Variants in TENM2 observed in about 807,000 individuals in gnomAD.
TENM2 encodes the protein teneurin-2.
In TENM2, 52 loss-of-function variants were observed where a neutral mutation model predicts 245.2. The ratio of observed to expected loss-of-function variants is 0.21; its 90% CI spans 0.17 to 0.27. The LOEUF (loss-of-function observed/expected upper bound fraction) is 0.27, where lower values mean the gene tolerates loss of function less well. TENM2 is among the 10% of genes least tolerant of loss of function. TENM2 has a pLI of 1.00. For synonymous variants in TENM2, 1,363 were observed against 1,438.9 expected, an observed-to-expected ratio of 0.95 and a Z score of 1.19; for missense variants, 3,046 against 3,666.8, an observed-to-expected ratio of 0.83 and a Z score of 4.37.
At chr5:167,436,121 G>T (rs1045410799) in intron 2 of TENM2, among the ~76,000 whole-genome samples, 2 of 151,536 alleles carry the variant, frequency 1.3e-5, no homozygotes, top group African/African-American at 4.8e-5. Flanking sequence ...TGGGGTTACA[G>T]TTGCCCACCA....
At chr5:166,991,792 G>C in the TENM2 span, among the ~76,000 whole-genome samples, 1 of 152,162 alleles carries the variant, frequency 6.6e-6, no homozygotes. Flanking sequence ...CTGGCATGTG[G>C]ATTGCTGTGA....
chr5:168,046,396 A>G (rs930487045), intron 5 of TENM2, among the ~76,000 whole-genome samples: 1 of 152,240 alleles, frequency 6.6e-6, no homozygotes, highest in African/African-American at 2.4e-5. Context: ...GATGAGAGAC[A>G]TGCAGGGGAA....
At chr5:167,055,159 G>A in the TENM2 span, among the ~76,000 whole-genome samples, 8 of 152,112 alleles carry the variant, frequency 5.3e-5, no homozygotes, top group African/African-American at 1.9e-4. Context: ...TTACAGTTTT[G>A]CATTTTGCAT....
intron 3 of TENM2, among the ~76,000 whole-genome samples, chr5:167,906,771 T>A (rs1387870945): frequency 1.3e-5 from 2 of 152,200 alleles, no homozygotes; most frequent in Non-Finnish European, 2.9e-5. Context: ...TCTCTTTTTT[T>A]AGGCTCTCTG....
At chr5:167,742,729 T>A (rs146582249) in intron 2 of TENM2, among the ~76,000 whole-genome samples, 77 of 151,282 alleles carry the variant, frequency 5.1e-4, no homozygotes, top group Non-Finnish European at 7.2e-4. Flanking sequence ...AGCAGAAGTA[T>A]CACTTGAGGC....
chr5:168,213,662 C>CA (rs35806150), intron 20 of TENM2, among the ~76,000 whole-genome samples: 209 of 136,332 alleles, frequency 1.5e-3, no homozygotes, highest in East Asian at 3.5e-3. Context: ...CCATCTCTAC[C>CA]AAAAAAAAAA....
At chr5:167,317,176 C>T (rs919852384) in intron 1 of TENM2, among the ~76,000 whole-genome samples, 9 of 152,190 alleles carry the variant, frequency 5.9e-5, no homozygotes, top group African/African-American at 2.2e-4. Flanking sequence ...TTCCTCTCAG[C>T]AGTCAATAAT....
the TENM2 span, among the ~76,000 whole-genome samples, chr5:167,217,735 T>C: frequency 6.9e-6 from 1 of 144,512 alleles, no homozygotes; most frequent in Admixed American, 6.9e-5. Context: ...TATATATATA[T>C]AATATATGTG....
intron 13 of TENM2, among the ~76,000 whole-genome samples, chr5:168,179,182 T>C (rs1041998996): frequency 5.4e-5 from 8 of 148,700 alleles, no homozygotes; most frequent in African/African-American, 1.7e-4. Flanking sequence ...ACAACCAACA[T>C]GTGAATCATG....
intron 2 of TENM2, among the ~76,000 whole-genome samples, chr5:167,791,094 T>C (rs190711903): frequency 6.6e-6 from 1 of 152,318 alleles, no homozygotes; most frequent in African/African-American, 2.4e-5. Context: ...TTGGCTTGGA[T>C]TGTAAACCCC....
At chr5:168,242,034 C>T (rs911250324) in intron 25 of TENM2, among the ~76,000 whole-genome samples, 2 of 152,118 alleles carry the variant, frequency 1.3e-5, no homozygotes, top group African/African-American at 2.4e-5. Context: ...CCCAAAGTCA[C>T]CTCATAGTCA....
At chr5:167,702,943 G>A (rs899371938) in intron 2 of TENM2, among the ~76,000 whole-genome samples, 83 of 152,224 alleles carry the variant, frequency 5.5e-4, no homozygotes, top group African/African-American at 1.9e-3. Context: ...GATTACAGGC[G>A]TAAGCCACCA....
At chr5:167,747,069 G>A (rs1231387334) in intron 2 of TENM2, among the ~76,000 whole-genome samples, 5 of 152,146 alleles carry the variant, frequency 3.3e-5, no homozygotes, top group Non-Finnish European at 7.4e-5. Context: ...TGAAGAAATA[G>A]AGTATGTCAA....
At chr5:167,468,148 G>A (rs1007827582) in intron 2 of TENM2, among the ~76,000 whole-genome samples, 3 of 152,082 alleles carry the variant, frequency 2.0e-5, no homozygotes, top group Non-Finnish European at 2.9e-5. Flanking sequence ...TGCTGTCCAG[G>A]CTGGTCTTGA....
chr5:167,876,609 G>GTTGT (rs372754502), intron 3 of TENM2, among the ~76,000 whole-genome samples: 76 of 145,858 alleles, frequency 5.2e-4, no homozygotes, highest in Middle Eastern at 3.4e-3. Context: ...TTTTCTTGTT[G>GTTGT]TTGTTTGTTT....
chr5:167,849,436 A>G (rs200271056), intron 2 of TENM2, among the ~76,000 whole-genome samples: 1 of 152,146 alleles, frequency 6.6e-6, no homozygotes, highest in Non-Finnish European at 1.5e-5. Flanking sequence ...AACACACAGA[A>G]CACTTCACTT....
chr5:167,897,144 G>C (rs1165025622), intron 3 of TENM2, among the ~76,000 whole-genome samples: 2 of 152,196 alleles, frequency 1.3e-5, no homozygotes, highest in African/African-American at 4.8e-5. Flanking sequence ...CACACTTTTA[G>C]AATATGAGTA....
the TENM2 span, among the ~76,000 whole-genome samples, chr5:167,118,292 A>G: frequency 6.6e-6 from 1 of 152,314 alleles, no homozygotes; most frequent in African/African-American, 2.4e-5. Context: ...GAAACTCAAC[A>G]ATCTTTCTCT....
intron 2 of TENM2, among the ~76,000 whole-genome samples, chr5:167,697,886 A>G (rs919684353): frequency 1.3e-5 from 2 of 152,160 alleles, no homozygotes; most frequent in Non-Finnish European, 2.9e-5. Flanking sequence ...CTATTCTATC[A>G]CCATCCCTAG....
Sources: gnomAD v4.1 joint callset for allele counts (sites outside exome capture counted in the v4.1 genomes callset) on GRCh38, gnomAD v4.1.1 for gene constraint, MANE v1.5 for transcripts, NCBI Gene and HGNC (gene_info 2026-07-23, HGNC 2026-07-21) for gene names.